PPP4R4: variants seen among roughly 807,000 people sequenced by gnomAD.
PPP4R4 encodes serine/threonine-protein phosphatase 4 regulatory subunit 4.
Under a neutral mutation model 121.8 loss-of-function variants are expected in PPP4R4, and 70 were observed. The observed-to-expected ratio is 0.57, with a 90% CI of 0.47 to 0.70. The LOEUF is 0.70. PPP4R4 is among the 30% of genes least tolerant of loss of function. PPP4R4 has a pLI of 0.00. For synonymous variants in PPP4R4, 348 were observed against 355.7 expected (o/e 0.98, Z 0.24); for missense variants, 875 against 1,033.6 (o/e 0.85, Z 2.10).
At chr14:94,182,908 C>T (rs939249246) in intron 2 of PPP4R4, among the ~76,000 whole-genome samples, 5 of 152,066 alleles carry the variant, frequency 3.3e-5, no homozygotes, top group African/African-American at 9.7e-5. Flanking sequence ...GTGGTCCCAG[C>T]CTATATATTT....
chr14:94,214,361 A>T lies in PPP4R4; in HGVS notation c.294+5795A>T, dbSNP rs530267739. On this transcript the variant is annotated intron_variant, in intron 3 of 24. Transcript: ENST00000304338. ...AGAAAGGATAAAAGGGACATAATCA[A>T]TGTGAAATGTGATTTCCTTTTATTT... Among the ~76,000 whole-genome samples, 16 of 152,332 alleles carry T rather than the reference A, an allele frequency of 1.1e-4. 1 individual carries two copies. In the South Asian group the frequency reaches 3.3e-3, roughly 32 times the overall value.
intron 7 of PPP4R4, among the ~76,000 whole-genome samples, chr14:94,235,426 G>T (rs1318068645): frequency 8.7e-6 from 1 of 114,390 alleles, no homozygotes; most frequent in Non-Finnish European, 1.6e-5. Flanking sequence ...TTGAGAGGGA[G>T]TCTCACTCTG....
chr14:94,200,955 A>G lies in PPP4R4; in HGVS notation c.192-7509A>G, dbSNP rs4423359. On this transcript the variant is annotated intron_variant, in intron 2 of 24. Transcript: ENST00000304338. ...TGTGCTCTTTCAGACTTTTTGATGTAGACATTTAATGCTATGAACTCTCCT... is the reference window on the plus strand; with the variant it reads ...TGTGCTCTTTCAGACTTTTTGATGTGGACATTTAATGCTATGAACTCTCCT... Among the ~76,000 whole-genome samples the G allele has an allele frequency of 7.0e-3, 1,068 of 152,182 alleles. 11 individuals carry two copies. Among genetic ancestry groups the G allele is most frequent in the African/African-American group, 0.025 (1,018 of 41,548 alleles).
chr14:94,210,638 A>G (rs1890694385), intron 3 of PPP4R4, among the ~76,000 whole-genome samples: 1 of 152,150 alleles, frequency 6.6e-6, no homozygotes, highest in Non-Finnish European at 1.5e-5. Context: ...CCGAAAAGGT[A>G]GAAGAGTCCA....
chr14:94,226,956 T>C (rs575716399), intron 3 of PPP4R4, among the ~76,000 whole-genome samples: 1 of 152,332 alleles, frequency 6.6e-6, no homozygotes, highest in African/African-American at 2.4e-5. Context: ...GAGAAATATC[T>C]TCCTGATGGA....
At chr14:94,193,036 G>C (rs1889684758) in intron 2 of PPP4R4, among the ~76,000 whole-genome samples, 1 of 152,208 alleles carries the variant, frequency 6.6e-6, no homozygotes, top group South Asian at 2.1e-4. Context: ...AGAGATCAAA[G>C]ATGTTTCTGA....
intron 14 of PPP4R4, 123 bp from the exon 15 acceptor site, chr14:94,250,049 C>G: frequency 1.6e-6 from 1 of 606,778 alleles, no homozygotes; most frequent in South Asian, 2.2e-5. Context: ...GATGTAAGTT[C>G]AGTGAGTTGA....
chr14:94,183,834 G>A (rs575253623), intron 2 of PPP4R4, among the ~76,000 whole-genome samples: 2 of 151,832 alleles, frequency 1.3e-5, no homozygotes, highest in Non-Finnish European at 2.9e-5. Context: ...ATACAATTCT[G>A]TAGTACAAAA....
intron 23 of PPP4R4, among the ~76,000 whole-genome samples, chr14:94,270,889 G>C (rs1894285907): frequency 6.7e-6 from 1 of 149,242 alleles, no homozygotes; most frequent in Non-Finnish European, 1.5e-5. Context: ...GTGCACTTCA[G>C]CCTGGGAGAC....
In PPP4R4 at chr14:94,240,808, CTAA is replaced by C; in HGVS notation, c.976+14_976+16del. ...CATGGACTATATGGTATGATATATC[CTAA>C]GAATTTTGAGACTGTAGATAATTTT... On this transcript the variant is annotated intron_variant, in intron 9 of 24. Transcript: ENST00000304338. The C allele has an allele frequency of 6.7e-7, 1 of 1,497,058 alleles. No homozygotes were observed. Among genetic ancestry groups the C allele is most frequent in the Non-Finnish European group, 8.9e-7 (1 of 1,128,854 alleles). The allele number at this position is 1,497,058 out of a possible 1,614,324, so 92.7% of individuals were successfully genotyped here. A position where few individuals can be genotyped will look rare whatever the true frequency, so the allele number is the denominator to read the frequency against.
intron 3 of PPP4R4, among the ~76,000 whole-genome samples, chr14:94,216,440 G>A (rs907214313): frequency 1.3e-5 from 2 of 152,254 alleles, no homozygotes; most frequent in African/African-American, 4.8e-5. Context: ...TTTTTAAAGG[G>A]TGAATGTGCA....
At chr14:94,275,245 T>A (rs1418747572) in intron 23 of PPP4R4, 129 bp from the exon 24 acceptor site, 2 of 1,048,320 alleles carry the variant, frequency 1.9e-6, no homozygotes, top group Non-Finnish European at 2.8e-6. Flanking sequence ...GTTTGTTGTA[T>A]GTAAATTATA....
intron 17 of PPP4R4, among the ~76,000 whole-genome samples, chr14:94,257,684 T>C (rs533722925): frequency 6.4e-5 from 9 of 140,236 alleles, no homozygotes; most frequent in Non-Finnish European, 1.2e-4. Flanking sequence ...CACTTGTTTC[T>C]ACCAGACAGT....
chr14:94,268,784 G>A (rs1244232002), intron 23 of PPP4R4, among the ~76,000 whole-genome samples: 3 of 152,120 alleles, frequency 2.0e-5, no homozygotes, highest in Non-Finnish European at 2.9e-5. Context: ...TCACTATCAC[G>A]AGAACAGCAT....
At chr14:94,265,154 G>A (rs140332259) in intron 20 of PPP4R4, among the ~76,000 whole-genome samples, 166 of 152,318 alleles carry the variant, frequency 1.1e-3, no homozygotes, top group African/African-American at 3.8e-3. Context: ...CAGGGTGGAC[G>A]TTCAGATGCT....
chr14:94,223,175 C>T lies in PPP4R4; in HGVS notation c.295-7412C>T, dbSNP rs550987379. ...TATCATATAGCACTAGTATCTGGAG[C>T]TCCTTTTGGCATGTTTATATTTTGT... On this transcript the variant is annotated intron_variant, in intron 3 of 24. Coordinates refer to ENST00000304338, the MANE Select transcript of PPP4R4 (RefSeq NM_058237.2). Among the ~76,000 whole-genome samples the T allele has an allele frequency of 9.9e-5, 15 of 152,222 alleles. No individual in the cohort carries two copies. The East Asian group carries it at 1.9e-3, about 20-fold the overall frequency.
At chr14:94,199,685 G>C (rs1890067286) in intron 2 of PPP4R4, among the ~76,000 whole-genome samples, 1 of 152,082 alleles carries the variant, frequency 6.6e-6, no homozygotes, top group South Asian at 2.1e-4. Flanking sequence ...CCTGGAGTCG[G>C]GCTGCTTAGC....
At chr14:94,205,798 G>A (rs1187773226) in intron 2 of PPP4R4, among the ~76,000 whole-genome samples, 1 of 151,748 alleles carries the variant, frequency 6.6e-6, no homozygotes, top group Admixed American at 6.6e-5. Context: ...AGATTTTTCT[G>A]TTACCTTTCT....
At chr14:94,188,921 TGCA>T (rs1386466428) in intron 2 of PPP4R4, among the ~76,000 whole-genome samples, 2 of 152,182 alleles carry the variant, frequency 1.3e-5, no homozygotes, top group African/African-American at 4.8e-5. Context: ...ATCTTGAATA[TGCA>T]GCATTTTTGT....
Sources: allele counts gnomAD v4.1 joint callset (sites outside exome capture counted in the v4.1 genomes callset), GRCh38; gene constraint gnomAD v4.1.1; transcripts MANE v1.5; gene names NCBI Gene and HGNC (gene_info 2026-07-23, HGNC 2026-07-21).